The following PDE4D variants were observed in gnomAD, a reference collection of about 807,000 sequenced individuals.
The protein encoded by PDE4D is 3',5'-cyclic-AMP phosphodiesterase 4D.
PDE4D carries 24 observed loss-of-function variants against 87.4 expected under a neutral mutation model. That is an observed-to-expected ratio of 0.27 (90% CI 0.20 to 0.39). The LOEUF (loss-of-function observed/expected upper bound fraction) is 0.39. Ranked by LOEUF, PDE4D falls within the 10% of genes least tolerant of loss-of-function variation. PDE4D has a pLI of 1.00. For synonymous variants in PDE4D, 384 were observed against 383.2 expected (o/e 1.00, Z -0.02); for missense variants, 714 against 1,041.0 (o/e 0.69, Z 4.32).
intron 1 of PDE4D, among the ~76,000 whole-genome samples, chr5:60,291,578 TA>T (rs1416150575): frequency 6.6e-6 from 1 of 151,886 alleles, no homozygotes; most frequent in Non-Finnish European, 1.5e-5. Context: ...AAGAAAATCC[TA>T]AAAACCCTAA....
chr5:59,732,542 A>G (rs1757521799), intron 1 of PDE4D, among the ~76,000 whole-genome samples: 1 of 152,094 alleles, frequency 6.6e-6, no homozygotes, highest in African/African-American at 2.4e-5. Flanking sequence ...CTAAATTCAC[A>G]AATTAACAAA....
intron 3 of PDE4D, among the ~76,000 whole-genome samples, chr5:59,961,523 T>G (rs972253254): frequency 4.6e-5 from 7 of 152,106 alleles, no homozygotes; most frequent in Non-Finnish European, 1.0e-4. Flanking sequence ...GAGAATAAAT[T>G]TCTGCTGTTT....
At chr5:59,599,414 T>A (rs190894233) in intron 1 of PDE4D, among the ~76,000 whole-genome samples, 11 of 151,782 alleles carry the variant, frequency 7.2e-5, no homozygotes, top group African/African-American at 2.4e-4. Context: ...ATTTTTTTTT[T>A]ATTTTTAGTA....
intron 3 of PDE4D, among the ~76,000 whole-genome samples, chr5:59,923,187 C>T (rs748085113): frequency 1.5e-4 from 23 of 152,246 alleles, no homozygotes; most frequent in South Asian, 4.1e-4. Context: ...AGGTCAGTCA[C>T]GTAAAATAGA....
At chr5:60,346,431 A>T (rs1051087329) in intron 1 of PDE4D, among the ~76,000 whole-genome samples, 39 of 152,190 alleles carry the variant, frequency 2.6e-4, no homozygotes, top group African/African-American at 9.4e-4. Flanking sequence ...AAGTATTCAG[A>T]TGCTGTTCTC....
At chr5:59,342,676 C>A (rs1359741353) in intron 1 of PDE4D, among the ~76,000 whole-genome samples, 1 of 152,104 alleles carries the variant, frequency 6.6e-6, no homozygotes, top group Middle Eastern at 3.2e-3. Flanking sequence ...AGTAAACCTT[C>A]AGTTTCACAT....
intron 1 of PDE4D, among the ~76,000 whole-genome samples, chr5:59,226,818 A>G (rs775834348): frequency 6.6e-6 from 1 of 152,116 alleles, no homozygotes; most frequent in Non-Finnish European, 1.5e-5. Flanking sequence ...TATACATTCA[A>G]TCAGAATACG....
intron 1 of PDE4D, among the ~76,000 whole-genome samples, chr5:60,318,114 C>G (rs557579972): frequency 7.9e-5 from 12 of 151,662 alleles, no homozygotes; most frequent in Non-Finnish European, 1.5e-4. Context: ...ATTGTATGGG[C>G]GTCTAAGTCT....
At chr5:59,823,577 C>A (rs1239895329) in intron 1 of PDE4D, among the ~76,000 whole-genome samples, 1 of 152,098 alleles carries the variant, frequency 6.6e-6, no homozygotes, top group Non-Finnish European at 1.5e-5. Flanking sequence ...AGTCTTTACA[C>A]ATTTTTCTGC....
intron 1 of PDE4D, among the ~76,000 whole-genome samples, chr5:59,310,321 C>T (rs1772322297): frequency 6.6e-6 from 1 of 152,124 alleles, no homozygotes; most frequent in East Asian, 1.9e-4. Flanking sequence ...CAACCTCTTC[C>T]CTGCTTCTAT....
At chr5:60,282,087 A>G (rs773144725) in intron 1 of PDE4D, among the ~76,000 whole-genome samples, 3 of 151,768 alleles carry the variant, frequency 2.0e-5, no homozygotes, top group Non-Finnish European at 2.9e-5. Flanking sequence ...AAACAACATT[A>G]CTCAACATAT....
intron 1 of PDE4D, among the ~76,000 whole-genome samples, chr5:59,277,084 C>T (rs974886482): frequency 3.2e-4 from 49 of 152,108 alleles, no homozygotes; most frequent in South Asian, 4.1e-4. Flanking sequence ...TCTAGTCTGA[C>T]GTGAACTTGG....
At chr5:59,975,738 T>C (rs1318932097) in intron 3 of PDE4D, among the ~76,000 whole-genome samples, 2 of 152,246 alleles carry the variant, frequency 1.3e-5, no homozygotes, top group African/African-American at 2.4e-5. Context: ...CAACTGTACC[T>C]TCAATTGGCA....
intron 1 of PDE4D, among the ~76,000 whole-genome samples, chr5:60,316,337 T>C (rs1156968987): frequency 6.6e-6 from 1 of 152,208 alleles, no homozygotes; most frequent in Non-Finnish European, 1.5e-5. Flanking sequence ...ATTGATTTTG[T>C]ATCCTGAGAC....
intron 11 of PDE4D, among the ~76,000 whole-genome samples, chr5:58,984,274 T>C (rs745831309): frequency 6.6e-6 from 1 of 152,226 alleles, no homozygotes; most frequent in Non-Finnish European, 1.5e-5. Flanking sequence ...CACCCTGCAT[T>C]ATTTTCCTCC....
At chr5:59,205,370 C>T (rs1055271105) in intron 2 of PDE4D, among the ~76,000 whole-genome samples, 1 of 151,888 alleles carries the variant, frequency 6.6e-6, no homozygotes, top group Non-Finnish European at 1.5e-5. Context: ...AGTTAGTAAC[C>T]CTAGGTCAGT....
intron 1 of PDE4D, among the ~76,000 whole-genome samples, chr5:59,284,055 C>T (rs1386247700): frequency 2.0e-5 from 3 of 152,134 alleles, no homozygotes; most frequent in Non-Finnish European, 4.4e-5. Flanking sequence ...ATCTGCAATC[C>T]CTTGCTCTTG....
At chr5:59,525,375 T>C (rs1812916620) in intron 1 of PDE4D, among the ~76,000 whole-genome samples, 3 of 152,250 alleles carry the variant, frequency 2.0e-5, no homozygotes, top group African/African-American at 7.2e-5. Flanking sequence ...TGTTGCCCCT[T>C]TGTTCTGGAC....
chr5:59,653,768 T>C (rs1451821123), intron 1 of PDE4D, among the ~76,000 whole-genome samples: 1 of 152,150 alleles, frequency 6.6e-6, no homozygotes, highest in South Asian at 2.1e-4. Context: ...TCTAAATTAA[T>C]TCATTATAAT....
Sources: gnomAD v4.1 joint callset for allele counts (sites outside exome capture counted in the v4.1 genomes callset) on GRCh38, gnomAD v4.1.1 for gene constraint, MANE v1.5 for transcripts, NCBI Gene and HGNC (gene_info 2026-07-23, HGNC 2026-07-21) for gene names.